Variants in CPAP observed in about 807,000 individuals in gnomAD.
The protein encoded by CPAP is centrosomal P4.1-associated protein.
the CPAP span, among the ~76,000 whole-genome samples, chr13:24,891,604 T>G: frequency 6.6e-6 from 1 of 151,694 alleles, no homozygotes. Context: ...ACAGTCTGCT[T>G]CTCTCCACCC....
the CPAP span, among the ~76,000 whole-genome samples, chr13:24,911,571 G>A: frequency 8.5e-5 from 13 of 152,176 alleles, no homozygotes; most frequent in African/African-American, 3.1e-4. Flanking sequence ...GTCTCACTCT[G>A]TTGCCCGGCT....
At chr13:24,925,179 G>A in the CPAP span, among the ~76,000 whole-genome samples, 5 of 152,140 alleles carry the variant, frequency 3.3e-5, no homozygotes, top group African/African-American at 9.7e-5. Flanking sequence ...GTCTCACTCT[G>A]TTGCCCAGGC....
the CPAP span, chr13:24,883,343 T>C: frequency 3.7e-6 from 6 of 1,613,150 alleles, no homozygotes; most frequent in South Asian, 3.3e-5. Flanking sequence ...TTGGCCATTA[T>C]TAAACTCTAT....
At chr13:24,894,806 G>A in the CPAP span, among the ~76,000 whole-genome samples, 2 of 152,092 alleles carry the variant, frequency 1.3e-5, no homozygotes, top group East Asian at 1.9e-4. Flanking sequence ...GGGAGGGAGA[G>A]GCCGCAGCCA....
chr13:24,923,618 T>G, the CPAP span, among the ~76,000 whole-genome samples: 1 of 152,210 alleles, frequency 6.6e-6, no homozygotes, highest in Admixed American at 6.5e-5. Flanking sequence ...CTTCCATGTC[T>G]GATTAAACAG....
chr13:24,900,673 A>T, the CPAP span, among the ~76,000 whole-genome samples: 3 of 152,170 alleles, frequency 2.0e-5, no homozygotes, highest in Admixed American at 2.0e-4. Flanking sequence ...CCTTGATCAG[A>T]TGAACCGTCC....
the CPAP span, chr13:24,883,245 T>G: frequency 6.2e-7 from 1 of 1,614,130 alleles, no homozygotes; most frequent in Non-Finnish European, 8.5e-7. Context: ...GATCTGTACT[T>G]CGTTTCTTGA....
At chr13:24,885,173 G>C in the CPAP span, 44 of 762,718 alleles carry the variant, frequency 5.8e-5, 2 homozygotes, top group South Asian at 6.7e-4. Flanking sequence ...GCAACTAAAG[G>C]CATCTTGTCC....
At chr13:24,892,565 T>A in the CPAP span, 18 of 1,158,328 alleles carry the variant, frequency 1.6e-5, no homozygotes, top group South Asian at 1.7e-4. Context: ...CCATTCTACT[T>A]TCTGACTCTA....
chr13:24,920,561 T>C, the CPAP span, among the ~76,000 whole-genome samples: 1 of 151,748 alleles, frequency 6.6e-6, no homozygotes, highest in Non-Finnish European at 1.5e-5. Flanking sequence ...CAAAAATTGC[T>C]GCCACAGGCA....
At chr13:24,918,205 A>C in the CPAP span, among the ~76,000 whole-genome samples, 15 of 152,254 alleles carry the variant, frequency 9.9e-5, no homozygotes, top group African/African-American at 3.6e-4. Flanking sequence ...AGAACAGTGA[A>C]GGAAAAAAGA....
the CPAP span, among the ~76,000 whole-genome samples, chr13:24,905,050 T>C: frequency 2.0e-5 from 3 of 152,182 alleles, no homozygotes; most frequent in Admixed American, 2.0e-4. Flanking sequence ...ACGGACTCTT[T>C]AGAATACACA....
the CPAP span, among the ~76,000 whole-genome samples, chr13:24,917,877 T>C: frequency 6.6e-6 from 1 of 152,186 alleles, no homozygotes; most frequent in Non-Finnish European, 1.5e-5. Flanking sequence ...GGCTCTCTTT[T>C]ATAACAAAGC....
the CPAP span, chr13:24,906,611 TG>T: frequency 6.2e-7 from 1 of 1,614,204 alleles, no homozygotes; most frequent in Non-Finnish European, 8.5e-7. Flanking sequence ...CTTCCCCGTC[TG>T]TATTTTCAAT....
At chr13:24,907,947 A>G in the CPAP span, 5 of 1,118,490 alleles carry the variant, frequency 4.5e-6, no homozygotes, top group African/African-American at 7.7e-5. Flanking sequence ...TCAAACAAAG[A>G]AAGTGTTCAA....
chr13:24,885,536 A>G, the CPAP span: 2 of 1,287,846 alleles, frequency 1.6e-6, no homozygotes, highest in Non-Finnish European at 2.3e-6. Flanking sequence ...AGAAACGTTA[A>G]GTCTATTAAC....
chr13:24,931,475 G>A, the CPAP span, among the ~76,000 whole-genome samples: 3 of 151,658 alleles, frequency 2.0e-5, no homozygotes, highest in Non-Finnish European at 4.4e-5. Context: ...GGTAAATTAC[G>A]GTGTCCCCAA....
the CPAP span, chr13:24,933,062 G>T: frequency 1.3e-6 from 2 of 1,587,436 alleles, no homozygotes; most frequent in South Asian, 2.2e-5. Flanking sequence ...TACTTACCTC[G>T]GCAGCAGAAG....
chr13:24,884,450 T>A, the CPAP span: 1 of 1,614,104 alleles, frequency 6.2e-7, no homozygotes, highest in East Asian at 2.2e-5. Context: ...CCCATTCTTA[T>A]AAACCTTTTC....
Sources: gnomAD v4.1 joint callset for allele counts (sites outside exome capture counted in the v4.1 genomes callset) on GRCh38, gnomAD v4.1.1 for gene constraint, MANE v1.5 for transcripts, NCBI Gene and HGNC (gene_info 2026-07-23, HGNC 2026-07-21) for gene names.